The following SYTL2 variants were observed in gnomAD, a reference collection of about 807,000 sequenced individuals.
SYTL2 encodes the protein synaptotagmin-like protein 2.
SYTL2 carries 165 observed loss-of-function variants against 198.7 expected under a neutral mutation model. The ratio of observed to expected loss-of-function variants is 0.83; its 90% CI spans 0.73 to 0.94. SYTL2 has a LOEUF of 0.94. Among genes scored for constraint, SYTL2 ranks in the 40% least tolerant of loss-of-function variants. SYTL2 has a pLI of 0.00. For synonymous variants in SYTL2, 966 were observed against 917.7 expected (o/e 1.05, Z -0.95); for missense variants, 2,835 against 2,582.8 (o/e 1.10, Z -2.12).
At chr11:85,845,565 T>C in the SYTL2 span, among the ~76,000 whole-genome samples, 4 of 151,868 alleles carry the variant, frequency 2.6e-5, no homozygotes, top group Non-Finnish European at 5.9e-5. Context: ...GAGTTCAAGG[T>C]GAGCCTGGGC....
Position 85,695,122 on chromosome 11 carries a change from A to G in SYTL2, c.*73T>C. 6.8e-7 allele frequency: 1 copy of G among 1,479,402 alleles called. No homozygotes were observed. The highest frequency in any genetic ancestry group is 9.2e-7 in the Non-Finnish European group (1 of 1,084,904). 91.6% of individuals were successfully genotyped at this position (1,479,402 alleles called of 1,614,324 possible). A position where few individuals can be genotyped will look rare whatever the true frequency, so the allele number is the denominator to read the frequency against. On this transcript the variant is annotated 3_prime_UTR_variant, in exon 20 of 20. Coordinates refer to ENST00000359152, the MANE Select transcript of SYTL2 (RefSeq NM_206927.4). ...AGATAGAAAGTGAGGATATTTGTCC[A>G]CCTACTCAGATTTTCAAGATCAGAT...
At chr11:85,705,297 A>G in intron 15 of SYTL2, 1 of 281,944 alleles carries the variant, frequency 3.5e-6, no homozygotes, top group Non-Finnish European at 6.6e-6. Flanking sequence ...TCTAACAATA[A>G]AAGCCAGTTT....
chr11:85,846,349 G>A, the SYTL2 span, among the ~76,000 whole-genome samples: 1 of 152,206 alleles, frequency 6.6e-6, no homozygotes. Context: ...CAGATTCAAG[G>A]AGAGGGAACA....
intron 9 of SYTL2, among the ~76,000 whole-genome samples, chr11:85,719,745 A>G (rs1263137980): frequency 6.6e-6 from 1 of 152,218 alleles, no homozygotes; most frequent in East Asian, 1.9e-4. Flanking sequence ...AGTCAGGACT[A>G]CATTCCAAAT....
intron 1 of SYTL2, among the ~76,000 whole-genome samples, chr11:85,782,486 C>G (rs2092577115): frequency 6.6e-6 from 1 of 152,196 alleles, no homozygotes; most frequent in Non-Finnish European, 1.5e-5. Flanking sequence ...TTCCTCATTA[C>G]TTATGCAAAT....
chr11:85,781,585 T>C (rs1177573620), intron 1 of SYTL2, among the ~76,000 whole-genome samples: 1 of 152,174 alleles, frequency 6.6e-6, no homozygotes, highest in Non-Finnish European at 1.5e-5. Flanking sequence ...ACCAAGTCCC[T>C]TATACTTATG....
rs759862338 is a variant in SYTL2 at position 85,734,356 on chromosome 11, T to G, written c.973A>C (p.Asn325His). Residue 325 changes from asparagine (N) to histidine (H), a missense_variant, in exon 7 of 20, where the codon AAC becomes CAC. Around this residue, in one of 3 missense-constraint regions of SYTL2, gnomAD observed 2,645 missense variants for 2,381.7 expected, o/e 1.11. Transcript: ENST00000359152. Reference protein sequence around the residue: ...EHSLEDNSSPNSLEPLKHVRF... With the variant: ...EHSLEDNSSPHSLEPLKHVRF... Reference sequence around the variant, plus strand: ...ACATGCTTTAATGGCTCCAGGGAGTTTGGGGAAGAGTTGTCTTCTAAAGAA... The same window carrying G: ...ACATGCTTTAATGGCTCCAGGGAGTGTGGGGAAGAGTTGTCTTCTAAAGAA... 8.1e-6 allele frequency: 13 copies of G among 1,614,078 alleles called. No individual in the cohort carries two copies. The highest frequency in any genetic ancestry group is 1.1e-5 in the Non-Finnish European group (13 of 1,180,028).
the SYTL2 span, among the ~76,000 whole-genome samples, chr11:85,848,329 AAGT>A: frequency 1.3e-5 from 2 of 151,704 alleles, no homozygotes; most frequent in African/African-American, 4.8e-5. Flanking sequence ...GATGAAGTTC[AAGT>A]TCTTTTTTTC....
chr11:85,794,781 GA>G (rs1324598127), intron 1 of SYTL2, among the ~76,000 whole-genome samples: 3 of 152,158 alleles, frequency 2.0e-5, no homozygotes, highest in African/African-American at 7.2e-5. Flanking sequence ...TTTCTGAAAA[GA>G]AAAGTTCATT....
intron 18 of SYTL2, among the ~76,000 whole-genome samples, chr11:85,696,865 T>C (rs1354756656): frequency 6.6e-6 from 1 of 152,214 alleles, no homozygotes; most frequent in Non-Finnish European, 1.5e-5. Context: ...ATTTGTGTTA[T>C]ACAGAATAGA....
chr11:85,810,456 T>C (rs894055479), intron 1 of SYTL2, among the ~76,000 whole-genome samples: 2 of 152,108 alleles, frequency 1.3e-5, no homozygotes, highest in African/African-American at 4.8e-5. Context: ...TAGCTCGCCG[T>C]GGGACGAGGT....
intron 1 of SYTL2, among the ~76,000 whole-genome samples, chr11:85,772,279 G>T (rs796737886): frequency 6.6e-6 from 1 of 152,230 alleles, no homozygotes; most frequent in Non-Finnish European, 1.5e-5. Context: ...CAGTCTAGAA[G>T]AAATGAAGAA....
At chr11:85,814,127 G>C (rs142827206), upstream of SYTL2, among the ~76,000 whole-genome samples, 165 of 152,328 alleles carry the variant, frequency 1.1e-3, no homozygotes, top group African/African-American at 3.7e-3. Context: ...CCCAAGGTAA[G>C]ATCTCAATTC....
rs2086196003 is a variant in SYTL2, at chr11:85,711,096, A to T, written c.5745+17T>A. The T allele has an allele frequency of 6.2e-7, 1 of 1,613,176 alleles. No homozygotes were observed. The highest frequency in any genetic ancestry group is 2.2e-5 in the East Asian group (1 of 44,848). On this transcript the variant is annotated intron_variant, in intron 13 of 19. Transcript: ENST00000359152. ...GAGACGCGGAGAGATATTAATATGG[A>T]GCCTTTGTTTACATACAGAAGACAA...
intron 17 of SYTL2, among the ~76,000 whole-genome samples, chr11:85,698,772 C>A (rs2083807315): frequency 6.6e-6 from 1 of 152,202 alleles, no homozygotes; most frequent in Non-Finnish European, 1.5e-5. Context: ...CTCTTAAGCT[C>A]AAGGGATCCA....
upstream of SYTL2, among the ~76,000 whole-genome samples, chr11:85,815,396 G>C (rs1383082456): frequency 6.6e-6 from 1 of 152,164 alleles, no homozygotes; most frequent in Non-Finnish European, 1.5e-5. Flanking sequence ...TTTAGTCATG[G>C]TACTGAGTCA....
At chr11:85,766,896 T>C (rs187347206) in intron 1 of SYTL2, among the ~76,000 whole-genome samples, 158 of 152,322 alleles carry the variant, frequency 1.0e-3, no homozygotes, top group Admixed American at 2.0e-3. Flanking sequence ...GACATCTAAA[T>C]TGGGAGTGCT....
At chr11:85,833,422 T>C in the SYTL2 span, among the ~76,000 whole-genome samples, 1 of 148,538 alleles carries the variant, frequency 6.7e-6, no homozygotes, top group African/African-American at 2.5e-5. Context: ...TATATATGTA[T>C]ATCACATATA....
chr11:85,720,973 A>G lies in SYTL2; in HGVS notation c.5327-14T>C. On this transcript the variant is annotated splice_polypyrimidine_tract_variant and intron_variant, in intron 8 of 19. Coordinates refer to ENST00000359152, the MANE Select transcript of SYTL2 (RefSeq NM_206927.4). Reference sequence around the variant, plus strand: ...CTTCTTCTGAACCTGTTATAAAACAAAATCGATGAACACTGCACAATACCA... The same window carrying G: ...CTTCTTCTGAACCTGTTATAAAACAGAATCGATGAACACTGCACAATACCA... The G allele has an allele frequency of 6.4e-7, 1 of 1,555,072 alleles. No homozygotes were observed. The highest frequency in any genetic ancestry group is 8.9e-7 in the Non-Finnish European group (1 of 1,127,016).
Sources: gnomAD v4.1 joint callset for allele counts (sites outside exome capture counted in the v4.1 genomes callset) on GRCh38, gnomAD v4.1.1 for gene constraint, gnomAD v4.1.1 regional missense constraint, MANE v1.5 for transcripts, NCBI Gene and HGNC (gene_info 2026-07-23, HGNC 2026-07-21) for gene names.